PARP1: variants seen among roughly 807,000 people sequenced by gnomAD.
PARP1 encodes the protein poly(ADP-ribose) polymerase 1.
Under a neutral mutation model 118.7 loss-of-function variants are expected in PARP1, and 44 were observed. The ratio of observed to expected loss-of-function variants is 0.37; its 90% CI spans 0.29 to 0.48. The LOEUF is 0.48. Among genes scored for constraint, PARP1 ranks in the 20% least tolerant of loss-of-function variants. The probability of loss-of-function intolerance (pLI) is 0.99; values close to 1 mark genes in which losing one functional copy is unlikely to be tolerated. For missense variants in PARP1, 1,100 were observed against 1,272.4 expected (o/e 0.86, Z 2.06); for synonymous variants, 492 against 483.2 (o/e 1.02, Z -0.24).
chr1:226,407,651 C>G (rs990518097), intron 1 of PARP1, among the ~76,000 whole-genome samples, 159 bp downstream of exon 1: 1 of 152,108 alleles, frequency 6.6e-6, no homozygotes, highest in South Asian at 2.1e-4. Flanking sequence ...TCGGCCGGGC[C>G]GCTCGGGAGG....
In PARP1 at chr1:226,380,176, G is replaced by T. The variant is rs753857954; in HGVS notation, c.1301-12C>A. The T allele has an allele frequency of 6.2e-7, 1 of 1,611,642 alleles. No homozygotes were observed. The highest frequency in any genetic ancestry group is 1.3e-5 in the African/African-American group (1 of 74,640). On this transcript the variant is annotated splice_polypyrimidine_tract_variant and intron_variant, in intron 9 of 22. Coordinates refer to ENST00000366794, the MANE Select transcript of PARP1 (RefSeq NM_001618.4). The stretch of plus-strand genomic sequence containing the variant: ...CTTTTCCACCTCCTCTGTTCAAATT[G>T]AAAGGAAAAAAAACCAAAATACAAG...
chr1:226,368,418 C>T (rs1664316205), intron 15 of PARP1, 97 bp from the exon 16 acceptor site: 2 of 1,502,330 alleles, frequency 1.3e-6, no homozygotes, highest in Non-Finnish European at 1.8e-6. Flanking sequence ...TGCAGCAGGT[C>T]CAGAAGTAGC....
Position 226,368,240 on chromosome 1 carries a change from T to C in PARP1, c.2236A>G (p.Met746Val), listed in dbSNP as rs1664311737. ...FYTLIPHDFG[M>V]KKPPLLNNAD... is the part of the protein sequence containing the mutation. ...TTGTTCAGGAGCGGAGGCTTCTTCA[T>C]CCCAAAGTCGTGGGGGATCAGGGTG... The change falls in exon 16 of 23, where the codon ATG becomes GTG. Residue 746 changes from methionine (M) to valine (V), a missense_variant. By Grantham distance (21) the Met-to-Val change is conservative. Around this residue, in one of 2 missense-constraint regions of PARP1, gnomAD observed 948 missense variants for 1,031.8 expected, o/e 0.92. Transcript: ENST00000366794. 5.0e-6 allele frequency: 8 copies of C among 1,614,028 alleles called. No homozygotes were observed. Among genetic ancestry groups the C allele is most frequent in the Non-Finnish European group, 6.8e-6 (8 of 1,180,020 alleles).
In PARP1 at chr1:226,401,168, A is replaced by G. The variant is rs1310833462; in HGVS notation, c.286+1046T>C. Among the ~76,000 whole-genome samples the G allele has an allele frequency of 2.6e-5, 4 of 152,364 alleles. No homozygotes were observed. In the East Asian group the frequency reaches 7.7e-4, roughly 29 times the overall value. ...TTGTCAGGAATTAGGAGGGATAAAC[A>G]GGGGATTTTTAGAGCAGTGAAACTG... is the stretch of plus-strand genomic sequence containing the variant. On this transcript the variant is annotated intron_variant, in intron 2 of 22. Coordinates refer to ENST00000366794, the MANE Select transcript of PARP1 (RefSeq NM_001618.4).
In PARP1 at chr1:226,383,432, C is replaced by T. The variant is rs1224916531; in HGVS notation, c.1012-249G>A. On this transcript the variant is annotated intron_variant, in intron 7 of 22. Coordinates refer to ENST00000366794, the MANE Select transcript of PARP1 (RefSeq NM_001618.4). ...ATTGTGGCTGCTTTAAGAGAAAAATCTTTCCCTAAAAAAAACAAAAACAGA... is the reference window on the plus strand; with the variant it reads ...ATTGTGGCTGCTTTAAGAGAAAAATTTTTCCCTAAAAAAAACAAAAACAGA... 2.0e-5 allele frequency among the ~76,000 whole-genome samples: 3 copies of T among 152,120 alleles called. No individual in the cohort carries two copies. In the East Asian group the frequency reaches 5.8e-4, roughly 29 times the overall value.
At chr1:226,407,741 CAGCCTT>C in intron 1 of PARP1, 63 bp downstream of exon 1, 5 of 1,516,886 alleles carry the variant, frequency 3.3e-6, no homozygotes, top group East Asian at 2.6e-5. Context: ...CGCCCTCCCC[CAGCCTT>C]CCCGGACACA....
chr1:226,365,810 AT>A (rs1664253202), intron 18 of PARP1, 143 bp downstream of exon 18: 1 of 654,790 alleles, frequency 1.5e-6, no homozygotes, highest in Admixed American at 2.8e-5. Context: ...AAAACTACTA[AT>A]TTTTCTGCTG....
chr1:226,396,342 T>C (rs918498786), intron 2 of PARP1, among the ~76,000 whole-genome samples: 3 of 150,106 alleles, frequency 2.0e-5, no homozygotes, highest in Non-Finnish European at 3.0e-5. Flanking sequence ...CAAGACCCTG[T>C]CTCAAAAAAA....
chr1:226,391,387 T>C (rs977855194), intron 3 of PARP1, among the ~76,000 whole-genome samples: 2 of 152,000 alleles, frequency 1.3e-5, no homozygotes, highest in Non-Finnish European at 2.9e-5. Context: ...AGGTCCCCAG[T>C]CCCCAGGCCT....
intron 2 of PARP1, chr1:226,392,813 A>T: frequency 1.1e-6 from 1 of 874,404 alleles, no homozygotes; most frequent in Non-Finnish European, 1.7e-6. Flanking sequence ...AAAAGGTTGA[A>T]TTATTCAATA....
rs143684800 is a variant in PARP1, at chr1:226,392,413, G to A, written c.287-99C>T. Reference sequence around the variant, plus strand: ...CTACCTCCCCAGGATCCTTCCACTAGGACACCTTATGCCTTGGGAGACTAC... The same window carrying A: ...CTACCTCCCCAGGATCCTTCCACTAAGACACCTTATGCCTTGGGAGACTAC... On this transcript the variant is annotated intron_variant, in intron 2 of 22. Transcript: ENST00000366794. 1.2e-3 allele frequency: 1,030 copies of A among 827,654 alleles called. 10 individuals carry two copies. In the African/African-American group the frequency reaches 0.015, roughly 12 times the overall value. The allele number at this position is 827,654 out of a possible 1,614,324, so 51.3% of individuals were successfully genotyped here. A position where few individuals can be genotyped will look rare whatever the true frequency, so the allele number is the denominator to read the frequency against.
intron 10 of PARP1, 92 bp from the exon 11 acceptor site, chr1:226,379,733 A>G: frequency 7.6e-7 from 1 of 1,319,288 alleles, no homozygotes; most frequent in Non-Finnish European, 1.1e-6. Context: ...TCTCATTCCC[A>G]TCATCTGTCA....
intron 4 of PARP1, 108 bp downstream of exon 4, chr1:226,390,302 A>T: frequency 1.0e-6 from 1 of 954,898 alleles, no homozygotes; most frequent in South Asian, 1.3e-5. Context: ...TGGCTTACTG[A>T]CAGTCAGCGA....
At chr1:226,386,918 T>C (rs1481113746) in intron 5 of PARP1, among the ~76,000 whole-genome samples, 2 of 152,222 alleles carry the variant, frequency 1.3e-5, no homozygotes, top group Non-Finnish European at 2.9e-5. Context: ...TTTAAGCTCT[T>C]CTGAAAATGG....
chr1:226,374,234 CCA>C lies in PARP1; in HGVS notation c.2060_2061del (p.Val687GlyfsTer3). The C allele has an allele frequency of 6.2e-7, 1 of 1,614,100 alleles. No homozygotes were observed. The highest frequency in any genetic ancestry group is 8.5e-7 in the Non-Finnish European group (1 of 1,180,018). On this transcript the variant is annotated frameshift_variant, in exon 14 of 23. Coordinates refer to ENST00000366794, the MANE Select transcript of PARP1 (RefSeq NM_001618.4). LOFTEE classifies it high-confidence loss of function. ...TGATAAAGCGCAATAACCTCATACT[CCA>C]CCATGGCTTTCTTCATACTTTCCAC... The part of the protein sequence containing the change: ...FDVESMKKAM[V>X]EYEIDLQKMP...
At chr1:226,392,464 T>G (rs1018688178) in intron 2 of PARP1, 150 bp from the exon 3 acceptor site, 1 of 716,282 alleles carries the variant, frequency 1.4e-6, no homozygotes, top group Non-Finnish European at 2.6e-6. Context: ...TCTGTCTGTT[T>G]GTAACAACCG....
chr1:226,381,299 G>C (rs901927041), intron 8 of PARP1, 91 bp from the exon 9 acceptor site: 3 of 1,467,688 alleles, frequency 2.0e-6, no homozygotes, highest in Non-Finnish European at 2.9e-6. Context: ...GCCAAGCAGC[G>C]AGCTCCTGGG....
At chr1:226,379,068 C>T (rs2102734617) in intron 12 of PARP1, 74 bp downstream of exon 12, 1 of 1,589,508 alleles carries the variant, frequency 6.3e-7, no homozygotes, top group Non-Finnish European at 8.6e-7. Context: ...TTTCACAAGG[C>T]TGATGGCACA....
intron 18 of PARP1, 35 bp from the exon 19 acceptor site, chr1:226,365,189 G>T (rs764702351): frequency 6.2e-7 from 1 of 1,612,278 alleles, no homozygotes; most frequent in Middle Eastern, 1.7e-4. Context: ...AAGGACAAAA[G>T]AAGCCATTTG....
Sources: allele counts gnomAD v4.1 joint callset (sites outside exome capture counted in the v4.1 genomes callset), GRCh38; gene constraint gnomAD v4.1.1; regional missense constraint gnomAD v4.1.1; transcripts MANE v1.5; gene names NCBI Gene and HGNC (gene_info 2026-07-23, HGNC 2026-07-21).